NFASC: variants seen among roughly 807,000 people sequenced by gnomAD.
NFASC encodes the protein neurofascin.
In NFASC, 43 loss-of-function variants were observed where a neutral mutation model predicts 147.5. The ratio of observed to expected loss-of-function variants is 0.29; its 90% confidence interval spans 0.23 to 0.38. The LOEUF is 0.38. Among genes scored for constraint, NFASC ranks in the 10% least tolerant of loss-of-function variants. The pLI is 1.00. For synonymous variants in NFASC, 622 were observed against 665.5 expected (o/e 0.93, Z 1.01); for missense variants, 1,320 against 1,689.0 (o/e 0.78, Z 3.83).
chr1:204,955,465 G>A (rs367900384), intron 7 of NFASC, among the ~76,000 whole-genome samples: 3 of 152,044 alleles, frequency 2.0e-5, no homozygotes, highest in Non-Finnish European at 4.4e-5. Context: ...ATTCTGATTC[G>A]CTCTTCTGGT....
chr1:204,917,751 C>CT (rs1185703048), intron 1 of NFASC, among the ~76,000 whole-genome samples: 1 of 152,072 alleles, frequency 6.6e-6, no homozygotes, highest in Non-Finnish European at 1.5e-5. Flanking sequence ...CTTTGACACT[C>CT]TGTTTGCTTT....
chr1:204,988,449 A>C (rs1026767441), intron 22 of NFASC, among the ~76,000 whole-genome samples, 184 bp from the exon 23 acceptor site: 1 of 152,264 alleles, frequency 6.6e-6, no homozygotes, highest in African/African-American at 2.4e-5. Flanking sequence ...GTGTAATCAA[A>C]GAGCCCGGAG....
chr1:204,851,364 A>T (rs1056750358), intron 1 of NFASC, among the ~76,000 whole-genome samples: 1 of 142,154 alleles, frequency 7.0e-6, no homozygotes, highest in Non-Finnish European at 1.5e-5. Flanking sequence ...ACGGAGTCTC[A>T]CTTTGTCACC....
At chr1:204,849,006 T>C (rs2075420356) in intron 1 of NFASC, among the ~76,000 whole-genome samples, 1 of 152,264 alleles carries the variant, frequency 6.6e-6, no homozygotes, top group Non-Finnish European at 1.5e-5. Context: ...GAGGCAGGCC[T>C]GTCCCTGGGG....
At chr1:204,977,294 G>A (rs1229617702) in intron 16 of NFASC, 1 of 214,204 alleles carries the variant, frequency 4.7e-6, no homozygotes, top group Non-Finnish European at 8.0e-6. Flanking sequence ...AGGCTGGACT[G>A]TAAATACTAA....
chr1:204,944,640 T>A, intron 3 of NFASC: 1 of 501,314 alleles, frequency 2.0e-6, no homozygotes, highest in Admixed American at 3.9e-5. Context: ...GCTGAGCTGA[T>A]GCTTGGGGTG....
chr1:205,000,011 T>G (rs1414389984), intron 25 of NFASC: 1 of 152,052 alleles, frequency 6.6e-6, no homozygotes, highest in Non-Finnish European at 1.5e-5. Flanking sequence ...AATGATTACG[T>G]TTGAAGATTA....
rs557822533 is a variant in NFASC at position 204,926,956 on chromosome 1, TC to T, written c.-91+6219del. On this transcript the variant is annotated intron_variant, in intron 2 of 29. Coordinates refer to ENST00000339876, the MANE Select transcript of NFASC (RefSeq NM_001005388.3). Reference sequence around the variant, plus strand: ...GGTGCACGGCAGCGGGTGCCTGTATTCCCAGCTACTCGGGAGACTGAGGCAG... The same window carrying T: ...GGTGCACGGCAGCGGGTGCCTGTATTCCAGCTACTCGGGAGACTGAGGCAG... 1.2e-4 allele frequency among the ~76,000 whole-genome samples: 18 copies of T among 152,032 alleles called. No individual in the cohort carries two copies. The South Asian group carries it at 3.7e-3, about 32-fold the overall frequency.
chr1:204,857,592 A>G (rs2076268915), intron 1 of NFASC, among the ~76,000 whole-genome samples: 2 of 152,122 alleles, frequency 1.3e-5, no homozygotes, highest in South Asian at 4.1e-4. Context: ...GTGGGATCTC[A>G]AAGTCTGCTG....
chr1:204,972,739 T>G lies in NFASC; in HGVS notation c.1136-537T>G, dbSNP rs138506773. Reference sequence around the variant, plus strand: ...GGATGGGAAGGTGGTAGGTTCTGTCTATTGTATACTGTTTTGTCCTTTTCA... The same window carrying G: ...GGATGGGAAGGTGGTAGGTTCTGTCGATTGTATACTGTTTTGTCCTTTTCA... On this transcript the variant is annotated intron_variant, in intron 11 of 29. Transcript: ENST00000339876. Among the ~76,000 whole-genome samples, 24 of 152,360 alleles carry G rather than the reference T, an allele frequency of 1.6e-4. No homozygotes were observed. The East Asian group carries it at 4.6e-3, about 29-fold the overall frequency.
chr1:204,972,231 C>G (rs11240321), intron 11 of NFASC, among the ~76,000 whole-genome samples: 11,753 of 152,228 alleles, frequency 0.077, 1,304 homozygotes, highest in African/African-American at 0.25. Context: ...AGGTCTGAGT[C>G]ATCTTGAATG....
At chr1:204,959,855 A>C (rs1372897197) in intron 8 of NFASC, among the ~76,000 whole-genome samples, 1 of 152,264 alleles carries the variant, frequency 6.6e-6, no homozygotes. Context: ...CTTCTCTACC[A>C]GAAGAAGTAA....
chr1:204,894,724 C>G (rs1341086567), intron 1 of NFASC, among the ~76,000 whole-genome samples: 2 of 152,208 alleles, frequency 1.3e-5, no homozygotes, highest in Non-Finnish European at 2.9e-5. Flanking sequence ...CAGTCAACCT[C>G]AGTGTCACCT....
intron 2 of NFASC, among the ~76,000 whole-genome samples, chr1:204,938,920 A>T (rs1046056160): frequency 6.6e-6 from 1 of 152,102 alleles, no homozygotes; most frequent in African/African-American, 2.4e-5. Context: ...CCTGTGTGGG[A>T]ATGTTGTCAG....
intron 28 of NFASC, among the ~76,000 whole-genome samples, chr1:205,011,779 G>A (rs2802845): frequency 0.66 from 100,270 of 152,062 alleles, 33,752 homozygotes; most frequent in South Asian, 0.74. Context: ...TCTACCTTGT[G>A]TCTCAAAAAG....
Position 204,987,690 on chromosome 1 carries a change from A to G in NFASC, c.2593+150A>G, listed in dbSNP as rs1278132274. 1.2e-6 allele frequency: 1 copy of G among 856,832 alleles called. No individual in the cohort carries two copies. The highest frequency in any genetic ancestry group is 1.7e-5 in the African/African-American group (1 of 59,356). The allele number at this position is 856,832 out of a possible 1,614,324, so 53.1% of individuals were successfully genotyped here. A position where few individuals can be genotyped will look rare whatever the true frequency, so the allele number is the denominator to read the frequency against. On this transcript the variant is annotated intron_variant, in intron 22 of 29. Coordinates refer to ENST00000339876, the MANE Select transcript of NFASC (RefSeq NM_001005388.3). The surrounding 1 kb of genome is among the most constrained non-coding windows in gnomAD (Gnocchi z 4.4). ...GGCCAACGAAACAGTTCCCAATAGG[A>G]TTAGGGGAGGCAGATGGGACTCAAT...
At chr1:205,003,769 C>T (rs2096050669) in intron 27 of NFASC, among the ~76,000 whole-genome samples, 1 of 152,232 alleles carries the variant, frequency 6.6e-6, no homozygotes, top group South Asian at 2.1e-4. Context: ...CTGCACCTGG[C>T]CTGGCGAGGC....
chr1:204,850,015 C>T (rs190843662), intron 1 of NFASC, among the ~76,000 whole-genome samples: 8 of 152,278 alleles, frequency 5.3e-5, no homozygotes, highest in South Asian at 4.2e-4. Flanking sequence ...ATGGTGCTGC[C>T]GTTTCCTGCA....
intron 1 of NFASC, among the ~76,000 whole-genome samples, chr1:204,864,965 CT>C (rs1400710353): frequency 6.6e-6 from 1 of 152,162 alleles, no homozygotes; most frequent in Admixed American, 6.5e-5. Context: ...TTTATCTCAC[CT>C]TGTTGCTGGT....
Sources: gnomAD v4.1 joint callset for allele counts (sites outside exome capture counted in the v4.1 genomes callset) on GRCh38, gnomAD v4.1.1 for gene constraint, Gnocchi (gnomAD v3.1) non-coding constraint, MANE v1.5 for transcripts, NCBI Gene and HGNC (gene_info 2026-07-23, HGNC 2026-07-21) for gene names.